TLL1: variants seen among roughly 807,000 people sequenced by gnomAD.
TLL1 encodes tolloid-like protein 1.
In TLL1, 49 loss-of-function variants were observed where a neutral mutation model predicts 128.2. The ratio of observed to expected loss-of-function variants is 0.38; its 90% CI spans 0.30 to 0.48. The LOEUF is 0.48. TLL1 is among the 20% of genes least tolerant of loss of function. TLL1 has a pLI of 0.96. For synonymous variants in TLL1, 454 were observed against 418.8 expected, an observed-to-expected ratio of 1.08 and a Z score of -1.03; for missense variants, 1,123 against 1,242.0, an observed-to-expected ratio of 0.90 and a Z score of 1.44.
intron 1 of TLL1, among the ~76,000 whole-genome samples, chr4:165,935,327 A>T (rs2110913597): frequency 6.6e-6 from 1 of 152,348 alleles, no homozygotes; most frequent in Non-Finnish European, 1.5e-5. Flanking sequence ...TACCTTAGGA[A>T]CACACTTGGG....
At chr4:166,059,224 C>T (rs1202494011) in intron 14 of TLL1, among the ~76,000 whole-genome samples, 2 of 150,896 alleles carry the variant, frequency 1.3e-5, no homozygotes, top group Non-Finnish European at 3.0e-5. Flanking sequence ...CACACACACA[C>T]ATACACGTGC....
chr4:166,069,742 C>T (rs909837587), intron 16 of TLL1, among the ~76,000 whole-genome samples: 5 of 151,694 alleles, frequency 3.3e-5, no homozygotes, highest in Admixed American at 3.3e-4. Context: ...ACATCAGTTC[C>T]ATGCTCATAA....
At chr4:165,875,579 C>T (rs1203232002) in intron 1 of TLL1, among the ~76,000 whole-genome samples, 1 of 152,116 alleles carries the variant, frequency 6.6e-6, no homozygotes, top group Non-Finnish European at 1.5e-5. Flanking sequence ...TTGGGCCACC[C>T]CGGATGGTTT....
chr4:165,998,857 A>G (rs772789065), intron 5 of TLL1, among the ~76,000 whole-genome samples: 1 of 151,868 alleles, frequency 6.6e-6, no homozygotes, highest in Non-Finnish European at 1.5e-5. Context: ...ATTTTGTCCC[A>G]CTTAACATAC....
intron 4 of TLL1, 97 bp from the exon 5 acceptor site, chr4:165,994,964 T>C: frequency 1.1e-6 from 1 of 946,710 alleles, no homozygotes. Context: ...AGTGGTGGCA[T>C]TCTGCACTGC....
chr4:165,967,096 C>T (rs1422578091), intron 1 of TLL1, among the ~76,000 whole-genome samples: 5 of 152,148 alleles, frequency 3.3e-5, no homozygotes, highest in African/African-American at 1.2e-4. Context: ...CTGTTCCTTG[C>T]TGAGAAAAAG....
At chr4:166,036,116 C>T (rs182713362) in intron 9 of TLL1, among the ~76,000 whole-genome samples, 1 of 152,146 alleles carries the variant, frequency 6.6e-6, no homozygotes, top group Admixed American at 6.6e-5. Context: ...TTTTGTGGTG[C>T]TCATGGAATT....
chr4:166,098,091 T>C (rs1484057300), intron 19 of TLL1, among the ~76,000 whole-genome samples: 2 of 152,162 alleles, frequency 1.3e-5, no homozygotes, highest in East Asian at 3.9e-4. Flanking sequence ...CCCAGCACTT[T>C]GGGAGGCTAA....
At chr4:166,084,201 T>C (rs779074496) in intron 18 of TLL1, among the ~76,000 whole-genome samples, 21 of 152,204 alleles carry the variant, frequency 1.4e-4, no homozygotes, top group Middle Eastern at 3.2e-3. Flanking sequence ...GAGAAATGTC[T>C]ATTCAAGTCC....
chr4:165,968,929 G>C (rs952558929), intron 1 of TLL1, among the ~76,000 whole-genome samples: 3 of 152,084 alleles, frequency 2.0e-5, no homozygotes, highest in Non-Finnish European at 2.9e-5. Flanking sequence ...GTGGTGAAAA[G>C]AAAGAATGTA....
intron 1 of TLL1, among the ~76,000 whole-genome samples, chr4:165,902,857 C>T (rs1732064508): frequency 1.3e-5 from 2 of 152,104 alleles, no homozygotes; most frequent in South Asian, 4.1e-4. Context: ...ATGAATCAGA[C>T]TTAGATGTAA....
chr4:166,060,230 A>G, intron 15 of TLL1, 42 bp downstream of exon 15: 1 of 1,601,324 alleles, frequency 6.2e-7, no homozygotes, highest in Non-Finnish European at 8.5e-7. Context: ...CATGTTTTGG[A>G]ACTCCCTGAA....
At chr4:166,021,559 A>G (rs1032219625) in intron 8 of TLL1, among the ~76,000 whole-genome samples, 1 of 151,562 alleles carries the variant, frequency 6.6e-6, no homozygotes, top group Non-Finnish European at 1.5e-5. Context: ...CAGCCTCCCA[A>G]GTAGCTGGGA....
intron 6 of TLL1, among the ~76,000 whole-genome samples, chr4:166,004,256 T>C (rs368343166): frequency 1.2e-4 from 18 of 152,282 alleles, no homozygotes; most frequent in Admixed American, 3.9e-4. Context: ...TATTCTGTTG[T>C]TTGGAATTTT....
At chr4:166,054,966 T>A in intron 12 of TLL1, 110 bp from the exon 13 acceptor site, 1 of 838,388 alleles carries the variant, frequency 1.2e-6, no homozygotes, top group Non-Finnish European at 1.8e-6. Context: ...TTGATACAAA[T>A]AACTTTTATA....
chr4:165,961,865 T>C (rs1735121688), intron 1 of TLL1, among the ~76,000 whole-genome samples: 1 of 151,996 alleles, frequency 6.6e-6, no homozygotes, highest in African/African-American at 2.4e-5. Context: ...TAAAAATATA[T>C]ATGATCATCT....
At chr4:165,882,461 T>A (rs1731003861) in intron 1 of TLL1, among the ~76,000 whole-genome samples, 1 of 152,124 alleles carries the variant, frequency 6.6e-6, no homozygotes, top group Non-Finnish European at 1.5e-5. Context: ...CTTTTATATA[T>A]GTATATTCTT....
chr4:165,882,925 G>A (rs966999294), intron 1 of TLL1, among the ~76,000 whole-genome samples: 2 of 151,898 alleles, frequency 1.3e-5, no homozygotes, highest in Non-Finnish European at 2.9e-5. Flanking sequence ...TCCTGACCAA[G>A]AGTTAACACA....
intron 2 of TLL1, among the ~76,000 whole-genome samples, chr4:165,992,265 T>A (rs1044250471): frequency 6.6e-6 from 1 of 152,098 alleles, no homozygotes; most frequent in African/African-American, 2.4e-5. Flanking sequence ...TTTCTATAAA[T>A]TCAACTAAAT....
Sources: gnomAD v4.1 joint callset for allele counts (sites outside exome capture counted in the v4.1 genomes callset) on GRCh38, gnomAD v4.1.1 for gene constraint, MANE v1.5 for transcripts, NCBI Gene and HGNC (gene_info 2026-07-23, HGNC 2026-07-21) for gene names.